Variants in VCF1 observed in about 807,000 individuals in gnomAD.
VCF1 encodes VCP nuclear cofactor family member 1.
At chr17:73,225,010 CATAGGATAGGACAGG>C in the VCF1 span, among the ~76,000 whole-genome samples, 3 of 43,384 alleles carry the variant, frequency 6.9e-5, no homozygotes, top group South Asian at 6.9e-4. Context: ...GACAGGACAG[CATAGGATAGGACAGG>C]ACAGGACAGC....
At chr17:73,213,821 G>A in the VCF1 span, among the ~76,000 whole-genome samples, 1 of 151,958 alleles carries the variant, frequency 6.6e-6, no homozygotes, top group Admixed American at 6.6e-5. Context: ...AATACAAAAA[G>A]TAGCCGGGCG....
the VCF1 span, chr17:73,209,396 T>C: frequency 8.4e-7 from 1 of 1,186,000 alleles, no homozygotes; most frequent in Non-Finnish European, 1.2e-6. Context: ...TGTTAACCTG[T>C]TATTTCAAAT....
At chr17:73,211,337 G>T in the VCF1 span, among the ~76,000 whole-genome samples, 8,283 of 152,132 alleles carry the variant, frequency 0.054, 260 homozygotes, top group Middle Eastern at 0.085. Context: ...AAAATTGGCC[G>T]GGTGCAGTGG....
At chr17:73,217,147 T>C in the VCF1 span, among the ~76,000 whole-genome samples, 1 of 151,972 alleles carries the variant, frequency 6.6e-6, no homozygotes, top group Non-Finnish European at 1.5e-5. Context: ...CTGGCCAACA[T>C]GGTGAAACCT....
At chr17:73,232,168 T>A in the VCF1 span, 1 of 1,608,632 alleles carries the variant, frequency 6.2e-7, no homozygotes, top group Admixed American at 1.7e-5. Context: ...ACAGAGGGGG[T>A]TGTGTTTCGG....
chr17:73,210,460 T>C, the VCF1 span, among the ~76,000 whole-genome samples: 1 of 150,412 alleles, frequency 6.6e-6, no homozygotes. Context: ...CGGAGATCCC[T>C]GATAAGAGTC....
the VCF1 span, among the ~76,000 whole-genome samples, chr17:73,228,219 G>A: frequency 6.6e-6 from 1 of 152,226 alleles, no homozygotes; most frequent in Non-Finnish European, 1.5e-5. Flanking sequence ...CTAGAGGTCT[G>A]TATGTACATG....
chr17:73,214,565 T>C, the VCF1 span, among the ~76,000 whole-genome samples: 1 of 152,196 alleles, frequency 6.6e-6, no homozygotes, highest in African/African-American at 2.4e-5. Flanking sequence ...TAAAACTAAA[T>C]TTGAAGTCTG....
the VCF1 span, chr17:73,227,203 T>G: frequency 6.3e-7 from 1 of 1,589,084 alleles, no homozygotes; most frequent in East Asian, 2.3e-5. Flanking sequence ...GGGTTTCTGC[T>G]ACTTCTTTTG....
At chr17:73,220,340 C>T in the VCF1 span, among the ~76,000 whole-genome samples, 3 of 152,228 alleles carry the variant, frequency 2.0e-5, no homozygotes, top group Admixed American at 1.3e-4. Context: ...CTCACACTTC[C>T]GCATTCCCAC....
chr17:73,228,041 A>G, the VCF1 span, among the ~76,000 whole-genome samples: 1 of 152,244 alleles, frequency 6.6e-6, no homozygotes, highest in Admixed American at 6.5e-5. Context: ...CACTAGCCAC[A>G]TATGGTTATT....
At chr17:73,230,856 G>A in the VCF1 span, among the ~76,000 whole-genome samples, 1 of 152,186 alleles carries the variant, frequency 6.6e-6, no homozygotes, top group African/African-American at 2.4e-5. Context: ...CAGTATAAAT[G>A]CATTCAGATT....
chr17:73,230,624 T>C, the VCF1 span, among the ~76,000 whole-genome samples: 2 of 152,258 alleles, frequency 1.3e-5, 1 homozygote, highest in East Asian at 3.9e-4. Flanking sequence ...CTCCAACTCC[T>C]GACCTCAGGT....
the VCF1 span, among the ~76,000 whole-genome samples, chr17:73,224,260 C>G: frequency 1.9e-4 from 1 of 5,296 alleles, no homozygotes; most frequent in Admixed American, 4.9e-3. Context: ...GACGTCGTCT[C>G]TCCAAAAAAA....
chr17:73,214,552 G>A, the VCF1 span, among the ~76,000 whole-genome samples: 3 of 152,236 alleles, frequency 2.0e-5, no homozygotes, highest in Non-Finnish European at 4.4e-5. Flanking sequence ...AACCCAAAAG[G>A]CATAAAACTA....
At chr17:73,208,600 A>G in the VCF1 span, 1 of 992,970 alleles carries the variant, frequency 1.0e-6, no homozygotes, top group Non-Finnish European at 1.6e-6. Context: ...GGTTACTTTA[A>G]GCATCAAGTT....
the VCF1 span, among the ~76,000 whole-genome samples, chr17:73,210,150 AG>A: frequency 6.6e-6 from 1 of 152,192 alleles, no homozygotes; most frequent in Admixed American, 6.5e-5. Flanking sequence ...TCAGCCTCCA[AG>A]GGAATGTATG....
the VCF1 span, among the ~76,000 whole-genome samples, chr17:73,217,248 G>A: frequency 6.6e-6 from 1 of 152,170 alleles, no homozygotes. Context: ...AGCTATTTGG[G>A]AGGCTGAGGC....
chr17:73,208,237 G>C, the VCF1 span: 1 of 1,607,530 alleles, frequency 6.2e-7, no homozygotes, highest in Non-Finnish European at 8.5e-7. Flanking sequence ...TGGACTCCGA[G>C]TGGCGTCGCG....
Sources: allele counts gnomAD v4.1 joint callset (sites outside exome capture counted in the v4.1 genomes callset), GRCh38; gene constraint gnomAD v4.1.1; transcripts MANE v1.5; gene names NCBI Gene and HGNC (gene_info 2026-07-23, HGNC 2026-07-21).